The following EXOSC1 variants were observed in gnomAD, a reference collection of about 807,000 sequenced individuals.
EXOSC1 encodes the protein exosome complex component CSL4.
Under a neutral mutation model 31.4 loss-of-function variants are expected in EXOSC1, and 27 were observed. The observed-to-expected ratio is 0.86, with a 90% confidence interval of 0.63 to 1.18. EXOSC1 has a LOEUF of 1.18. Among genes scored for constraint, EXOSC1 ranks in the 50% most tolerant of loss-of-function variants. EXOSC1 has a pLI of 0.00. For synonymous variants in EXOSC1, 84 were observed against 89.5 expected (o/e 0.94, Z 0.35); for missense variants, 228 against 250.3 (o/e 0.91, Z 0.60).
Position 97,441,233 on chromosome 10 carries a change from G to A in EXOSC1, c.249C>T (p.Ala83=). The A allele has an allele frequency of 6.2e-7, 1 of 1,614,042 alleles. No individual in the cohort carries two copies. The highest frequency in any genetic ancestry group is 8.5e-7 in the Non-Finnish European group (1 of 1,179,942). ...CKVSSINSRF[A]KVHILYVGSM... ...ACCCCACATACAGGATGTGTACTTT[G>A]GCAAAGCGTGAATTGATGCTAGAGA... The change falls in exon 4 of 8, where the codon GCC becomes GCT. Residue 83 remains alanine (A), a synonymous_variant. Transcript: ENST00000370902.
At chr10:97,441,642 C>T (rs1028909351) in intron 3 of EXOSC1, among the ~76,000 whole-genome samples, 5 of 151,602 alleles carry the variant, frequency 3.3e-5, no homozygotes, top group Non-Finnish European at 7.4e-5. Context: ...AGGCATGCAC[C>T]ACCATGCCCA....
intron 3 of EXOSC1, among the ~76,000 whole-genome samples, chr10:97,441,543 T>G (rs1460196260): frequency 7.0e-6 from 1 of 143,336 alleles, no homozygotes; most frequent in African/African-American, 2.6e-5. Flanking sequence ...CAGGCTGGAG[T>G]GCAATGGCGC....
chr10:97,442,628 C>T (rs528072725), intron 3 of EXOSC1, among the ~76,000 whole-genome samples: 1 of 152,234 alleles, frequency 6.6e-6, no homozygotes, highest in African/African-American at 2.4e-5. Flanking sequence ...CCTGCTTCAG[C>T]CTCCCAAGTA....
At position 97,443,315 on chromosome 10, in the gene EXOSC1, CAG is replaced by C; in HGVS notation, c.148-6_148-5del. The C allele has an allele frequency of 6.2e-7, 1 of 1,612,788 alleles. No individual in the cohort carries two copies. Among genetic ancestry groups the C allele is most frequent in the Non-Finnish European group, 8.5e-7 (1 of 1,179,550 alleles). ...TCACTACAGACACCACTGGAAGCTA[CAG>C]AGGGAACAACAAAAAACTGAAATGT... On this transcript the variant is annotated splice_region_variant and splice_polypyrimidine_tract_variant and intron_variant, in intron 2 of 7. Coordinates refer to ENST00000370902, the MANE Select transcript of EXOSC1 (RefSeq NM_016046.5).
chr10:97,436,210 C>CA lies in EXOSC1; in HGVS notation c.*234_*235insT. On this transcript the variant is annotated 3_prime_UTR_variant, in exon 8 of 8. Transcript: ENST00000370902. ...TATAAGGACTGTCAGGAGGGATAGG[C>CA]TATTTCCAATATCACAGTTTTGTTT... is the stretch of plus-strand genomic sequence containing the variant. The CA allele has an allele frequency of 2.4e-6, 1 of 420,166 alleles. No homozygotes were observed. Among genetic ancestry groups the CA allele is most frequent in the South Asian group, 2.6e-5 (1 of 39,200 alleles). 26.0% of individuals were successfully genotyped at this position (420,166 alleles called of 1,614,324 possible).
intron 6 of EXOSC1, 117 bp from the exon 7 acceptor site, chr10:97,437,392 C>G: frequency 1.3e-6 from 1 of 793,258 alleles, no homozygotes; most frequent in Non-Finnish European, 2.1e-6. Flanking sequence ...GCTCCGTTAA[C>G]CAGGCTGGAG....
At chr10:97,438,141 A>C (rs552052806) in intron 5 of EXOSC1, among the ~76,000 whole-genome samples, 1 of 150,796 alleles carries the variant, frequency 6.6e-6, no homozygotes, top group Non-Finnish European at 1.5e-5. Context: ...CTGGTCTTGA[A>C]CTCCTGACCT....
chr10:97,437,157 GGAAA>G, intron 7 of EXOSC1, 30 bp downstream of exon 7: 11 of 1,575,996 alleles, frequency 7.0e-6, no homozygotes, highest in Non-Finnish European at 8.7e-6. Context: ...ATAGATCCAG[GGAAA>G]GTAAGGATGT....
Position 97,445,865 on chromosome 10 carries a change from C to T in EXOSC1, c.32-18G>A, listed in dbSNP as rs1356857618. ...ACGTTCGCCTGCAGAAAAAATGCTG[C>T]ATCGGTCACGGGCCCCCAGAAGCTG... On this transcript the variant is annotated intron_variant, in intron 1 of 7. Coordinates refer to ENST00000370902, the MANE Select transcript of EXOSC1 (RefSeq NM_016046.5). 1.2e-6 allele frequency: 2 copies of T among 1,613,762 alleles called. No individual in the cohort carries two copies. The highest frequency in any genetic ancestry group is 1.1e-5 in the South Asian group (1 of 91,066).
chr10:97,441,327 CTG>C (rs1845708252), intron 3 of EXOSC1, 68 bp from the exon 4 acceptor site: 15 of 1,335,372 alleles, frequency 1.1e-5, no homozygotes, highest in Non-Finnish European at 1.5e-5. Flanking sequence ...CAGCAATAAA[CTG>C]GGGATTACTA....
rs1425937863 is a variant in EXOSC1, at chr10:97,438,715, GAATT to G, written c.312-16_312-13del. 3 of 1,553,780 alleles carry G rather than the reference GAATT, an allele frequency of 1.9e-6. No homozygotes were observed. The highest frequency in any genetic ancestry group is 2.6e-6 in the Non-Finnish European group (3 of 1,138,624). ...GGACATCTTCCTTGCTATAAAAAAA[GAATT>G]AACAGAAAGATTAATTACCTGTGAG... is the stretch of plus-strand genomic sequence containing the variant. On this transcript the variant is annotated splice_polypyrimidine_tract_variant and intron_variant, in intron 4 of 7. Coordinates refer to ENST00000370902, the MANE Select transcript of EXOSC1 (RefSeq NM_016046.5).
At chr10:97,441,619 T>G (rs753029801) in intron 3 of EXOSC1, among the ~76,000 whole-genome samples, 68 of 150,160 alleles carry the variant, frequency 4.5e-4, no homozygotes, top group Middle Eastern at 3.2e-3. Context: ...GCCTCCTGAA[T>G]AGCTGGGATT....
intron 5 of EXOSC1, among the ~76,000 whole-genome samples, chr10:97,438,365 T>C (rs1845612055): frequency 6.6e-6 from 1 of 152,076 alleles, no homozygotes; most frequent in South Asian, 2.1e-4. Flanking sequence ...TACAGGTGCG[T>C]GCCACCACTT....
intron 2 of EXOSC1, among the ~76,000 whole-genome samples, chr10:97,443,629 T>C (rs1167858324): frequency 6.6e-6 from 1 of 151,894 alleles, no homozygotes; most frequent in African/African-American, 2.4e-5. Flanking sequence ...TTCACGCCAT[T>C]CTCCTGCCTC....
At position 97,436,419 on chromosome 10, in the gene EXOSC1, C is replaced by G. The variant is rs1457790180; in HGVS notation, c.*26G>C. 2.6e-6 allele frequency: 4 copies of G among 1,535,144 alleles called. No homozygotes were observed. The African/African-American group carries it at 4.1e-5, about 16-fold the overall frequency. On this transcript the variant is annotated 3_prime_UTR_variant, in exon 8 of 8. Coordinates refer to ENST00000370902, the MANE Select transcript of EXOSC1 (RefSeq NM_016046.5). The stretch of plus-strand genomic sequence containing the variant: ...TGTTATACTCAGGAACAGCTTACCC[C>G]CTTCCATAGGGTAAAAAGTGGCTTC...
chr10:97,444,527 T>G (rs544184409), intron 2 of EXOSC1: 1 of 152,384 alleles, frequency 6.6e-6, no homozygotes, highest in South Asian at 2.1e-4. Context: ...CCCTGTAATA[T>G]TCTTTCAAAG....
At chr10:97,438,131 C>A (rs1845604504) in intron 5 of EXOSC1, among the ~76,000 whole-genome samples, 1 of 152,118 alleles carries the variant, frequency 6.6e-6, no homozygotes, top group South Asian at 2.1e-4. Context: ...GTTGGTCAGG[C>A]TGGTCTTGAA....
chr10:97,436,263 T>C lies in EXOSC1; in HGVS notation c.*182A>G, dbSNP rs1845530985. On this transcript the variant is annotated 3_prime_UTR_variant, in exon 8 of 8. Transcript: ENST00000370902. Reference sequence around the variant, plus strand: ...TGGTGCCTTGAAAAGATAAGATTTATTACTCAAGAGAATGAAATCCACTGA... The same window carrying C: ...TGGTGCCTTGAAAAGATAAGATTTACTACTCAAGAGAATGAAATCCACTGA... 1.9e-6 allele frequency: 1 copy of C among 531,228 alleles called. No individual in the cohort carries two copies. The highest frequency in any genetic ancestry group is 3.3e-6 in the Non-Finnish European group (1 of 300,422). The allele number at this position is 531,228 out of a possible 1,614,324, so 32.9% of individuals were successfully genotyped here. A position where few individuals can be genotyped will look rare whatever the true frequency, so the allele number is the denominator to read the frequency against.
At chr10:97,437,607 G>A (rs1048208708) in intron 6 of EXOSC1, 93 bp downstream of exon 6, 10 of 1,244,048 alleles carry the variant, frequency 8.0e-6, no homozygotes, top group African/African-American at 1.5e-5. Context: ...CCTGGCCTCC[G>A]AAAGTGCTGG....
Sources: allele counts gnomAD v4.1 joint callset (sites outside exome capture counted in the v4.1 genomes callset), GRCh38; gene constraint gnomAD v4.1.1; transcripts MANE v1.5; gene names NCBI Gene and HGNC (gene_info 2026-07-23, HGNC 2026-07-21).